Variants in TTLL10 observed in about 807,000 individuals in gnomAD.
The protein encoded by TTLL10 is tubulin tyrosine ligase like 10, also known as inactive polyglycylase TTLL10.
A neutral mutation model predicts 69.0 loss-of-function variants in TTLL10; 61 were observed. The ratio of observed to expected loss-of-function variants is 0.88; its 90% confidence interval spans 0.72 to 1.09. The LOEUF (loss-of-function observed/expected upper bound fraction) is 1.09, where lower values mean the gene tolerates loss of function less well. Among genes scored for constraint, TTLL10 ranks in the 50% least tolerant of loss-of-function variants. The pLI is 0.00. For missense variants in TTLL10, 962 were observed against 945.9 expected (o/e 1.02, Z -0.22); for synonymous variants, 408 against 393.3 (o/e 1.04, Z -0.44).
chr1:1,184,357 G>A (rs892023140), intron 12 of TTLL10, among the ~76,000 whole-genome samples: 11 of 152,258 alleles, frequency 7.2e-5, no homozygotes, highest in East Asian at 1.9e-4. Context: ...AGCCCTCAGC[G>A]TGCAGCCTGG....
intron 13 of TTLL10, among the ~76,000 whole-genome samples, chr1:1,191,401 G>A (rs781417474): frequency 6.6e-6 from 1 of 152,102 alleles, no homozygotes; most frequent in East Asian, 1.9e-4. Context: ...AGTCCAGCCT[G>A]GGCAACACAG....
chr1:1,176,637 G>A (rs1181944406), intron 3 of TTLL10, among the ~76,000 whole-genome samples: 1 of 152,192 alleles, frequency 6.6e-6, no homozygotes, highest in Non-Finnish European at 1.5e-5. Context: ...AAGGCTGGAG[G>A]GCTGCTAGTG....
At position 1,180,985 on chromosome 1, in the gene TTLL10, C is replaced by T. The variant is rs572331830; in HGVS notation, c.755+125C>T. On this transcript the variant is annotated intron_variant, in intron 8 of 15. Coordinates refer to ENST00000379289, the MANE Select transcript of TTLL10 (RefSeq NM_001130045.2). ...CCCTGCCCTTGCCCCTGCCCCTGGC[C>T]ACCCAGGCTCCCAGGCTGGCTCCAG... 4.6e-4 allele frequency: 396 copies of T among 868,116 alleles called. 1 individual carries two copies. In the African/African-American group the frequency reaches 7.9e-3, roughly 17 times the overall value. The allele number at this position is 868,116 out of a possible 1,614,324, so 53.8% of individuals were successfully genotyped here.
At chr1:1,177,044 CTG>C (rs1378279089) in intron 3 of TTLL10, among the ~76,000 whole-genome samples, 1 of 150,742 alleles carries the variant, frequency 6.6e-6, no homozygotes, top group Non-Finnish European at 1.5e-5. Flanking sequence ...GTGTCAGCGT[CTG>C]TGTGTGTGGG....
chr1:1,197,299 G>A (rs1648290252), intron 15 of TTLL10, 113 bp downstream of exon 15: 2 of 1,326,508 alleles, frequency 1.5e-6, no homozygotes, highest in Non-Finnish European at 1.0e-6. Flanking sequence ...ACCTCCCGAG[G>A]GCCTGTGTGG....
chr1:1,180,020 C>A lies in TTLL10; in HGVS notation c.200-14C>A, dbSNP rs1646995578. 2 of 1,514,934 alleles carry A rather than the reference C, an allele frequency of 1.3e-6. No individual in the cohort carries two copies. Among genetic ancestry groups the A allele is most frequent in the African/African-American group, 2.8e-5 (2 of 72,292 alleles). The allele number at this position is 1,514,934 out of a possible 1,614,324, so 93.8% of individuals were successfully genotyped here. On this transcript the variant is annotated splice_polypyrimidine_tract_variant and intron_variant, in intron 5 of 15. Transcript: ENST00000379289. ...TCCCGTAGCCACCCCGGTGGGACCCCACCCCGTTCACAGGCCCGGCCCACG... is the reference window on the plus strand; with the variant it reads ...TCCCGTAGCCACCCCGGTGGGACCCAACCCCGTTCACAGGCCCGGCCCACG...
intron 13 of TTLL10, among the ~76,000 whole-genome samples, chr1:1,188,405 A>ATT (rs57122719): frequency 0.12 from 17,421 of 140,320 alleles, 2,084 homozygotes; most frequent in East Asian, 0.56. Flanking sequence ...GTCCAATGAA[A>ATT]TTTTTTTTTT....
intron 13 of TTLL10, among the ~76,000 whole-genome samples, chr1:1,189,085 A>C (rs565285305): frequency 6.6e-6 from 1 of 152,186 alleles, no homozygotes; most frequent in African/African-American, 2.4e-5. Context: ...GGATCATGTC[A>C]TCTGGAATAG....
At position 1,180,221 on chromosome 1, in the gene TTLL10, C is replaced by T. The variant is rs139976815; in HGVS notation, c.387C>T (p.Asn129=). ...GGCCTGCAGACTCGGATGACACTAA[C>T]GCCGCCGGGCCCTCAGCTGCCCTCC... The part of the protein sequence containing the change: ...SHRPADSDDT[N]AAGPSAALLE... The change falls in exon 6 of 16, where the codon AAC becomes AAT. Residue 129 remains asparagine (N), a synonymous_variant. Coordinates refer to ENST00000379289, the MANE Select transcript of TTLL10 (RefSeq NM_001130045.2). 3,546 of 1,609,540 alleles carry T rather than the reference C, an allele frequency of 2.2e-3. 9 individuals are homozygous for T. Among genetic ancestry groups the T allele is most frequent in the Admixed American group, 3.1e-3 (185 of 59,688 alleles).
intron 6 of TTLL10, 25 bp from the exon 7 acceptor site, chr1:1,180,458 T>TCCCCCCCCC: frequency 1.1e-6 from 1 of 942,122 alleles, no homozygotes; most frequent in Non-Finnish European, 1.5e-6. Flanking sequence ...GGCCCCCAGG[T>TCCCCCCCCC]CACCCCCGCC....
chr1:1,190,632 G>A (rs1570435869), intron 13 of TTLL10, among the ~76,000 whole-genome samples: 1 of 151,690 alleles, frequency 6.6e-6, no homozygotes, highest in Non-Finnish European at 1.5e-5. Context: ...GTTTCACCAT[G>A]CTGGCAAGGC....
Position 1,182,919 on chromosome 1 carries a change from C to A in TTLL10, c.960C>A (p.Gly320=). The change falls in exon 11 of 16, where the codon GGC becomes GGA. Residue 320 remains glycine (G), a synonymous_variant. Transcript: ENST00000379289. The part of the protein sequence containing the change: ...WICKPTASNQ[G]KGIFLLRNQE... Reference sequence around the variant, plus strand: ...GCAAGCCCACAGCCTCCAACCAGGGCAAAGGCATCTTCCTGCTCCGGAACC... The same window carrying A: ...GCAAGCCCACAGCCTCCAACCAGGGAAAAGGCATCTTCCTGCTCCGGAACC... 1 of 1,596,832 alleles carries A rather than the reference C, an allele frequency of 6.3e-7. No individual in the cohort carries two copies. Among genetic ancestry groups the A allele is most frequent in the Non-Finnish European group, 8.5e-7 (1 of 1,172,128 alleles).
In TTLL10 at chr1:1,181,422, G is replaced by A. The variant is rs1389602836; in HGVS notation, c.756-319G>A. The stretch of plus-strand genomic sequence containing the variant: ...CAGCCCTGCCCACTGCCCTTCTATG[G>A]ACCCACCTATCCCTCCTCACTTCAT... On this transcript the variant is annotated intron_variant, in intron 8 of 15. Coordinates refer to ENST00000379289, the MANE Select transcript of TTLL10 (RefSeq NM_001130045.2). The surrounding 1 kb of genome is among the most constrained non-coding windows in gnomAD (Gnocchi z 4.6). Among the ~76,000 whole-genome samples the A allele has an allele frequency of 6.6e-6, 1 of 151,826 alleles. No homozygotes were observed. Among genetic ancestry groups the A allele is most frequent in the Non-Finnish European group, 1.5e-5 (1 of 67,974 alleles).
chr1:1,182,864 C>G lies in TTLL10; in HGVS notation c.917-12C>G, dbSNP rs760072128. 3 of 1,555,426 alleles carry G rather than the reference C, an allele frequency of 1.9e-6. No individual in the cohort carries two copies. The highest frequency in any genetic ancestry group is 2.6e-6 in the Non-Finnish European group (3 of 1,147,878). On this transcript the variant is annotated splice_polypyrimidine_tract_variant and intron_variant, in intron 10 of 15. Transcript: ENST00000379289. ...GGGGCGAGGCCAGGGGCTCAGGCCG[C>G]GCTCTCTGCAGAAACCCAGATATGG... is the stretch of plus-strand genomic sequence containing the variant.
At position 1,197,812 on chromosome 1, in the gene TTLL10, G is replaced by A. The variant is rs1347579375; in HGVS notation, c.1987G>A (p.Glu663Lys). The A allele has an allele frequency of 6.6e-7, 1 of 1,515,200 alleles. No homozygotes were observed. The highest frequency in any genetic ancestry group is 2.1e-4 in the Middle Eastern group (1 of 4,826). 93.9% of individuals were successfully genotyped at this position (1,515,200 alleles called of 1,614,324 possible). A position where few individuals can be genotyped will look rare whatever the true frequency, so the allele number is the denominator to read the frequency against. The stretch of plus-strand genomic sequence containing the variant: ...AGAGCCTTCCCCGGGGACAGCCAAG[G>A]AGGAACGCGAGGAGCCTGAGAACGC... The part of the protein sequence containing the change: ...AQEPSPGTAK[E>K]EREEPENARP The change falls in exon 16 of 16, where the codon GAG (glutamate) becomes AAG (lysine). Residue 663 changes from glutamate (E) to lysine (K), a missense_variant. Physicochemically the swap from Glu to Lys is moderately conservative, Grantham distance 56 (BLOSUM62 1). Coordinates refer to ENST00000379289, the MANE Select transcript of TTLL10 (RefSeq NM_001130045.2).
At chr1:1,187,128 G>A (rs1209871767) in intron 13 of TTLL10, among the ~76,000 whole-genome samples, 4 of 151,858 alleles carry the variant, frequency 2.6e-5, no homozygotes, top group Non-Finnish European at 5.9e-5. Flanking sequence ...TTATAGGTGT[G>A]AGCCACCGCG....
Position 1,185,992 on chromosome 1 carries a change from C to T in TTLL10, c.1401+883C>T, listed in dbSNP as rs1647287599. On this transcript the variant is annotated intron_variant, in intron 13 of 15. Coordinates refer to ENST00000379289, the MANE Select transcript of TTLL10 (RefSeq NM_001130045.2). This position sits in a 1 kb window ranked among gnomAD's most constrained non-coding sequence, Gnocchi z 6.1. Reference sequence around the variant, plus strand: ...ATCACAGCTACATTGCCGGCCATTCCTGGTCACCGCTGATGGACCTTCTCT... The same window carrying T: ...ATCACAGCTACATTGCCGGCCATTCTTGGTCACCGCTGATGGACCTTCTCT... 1 of 244,744 alleles carries T rather than the reference C, an allele frequency of 4.1e-6. No individual in the cohort carries two copies. Among genetic ancestry groups the T allele is most frequent in the Non-Finnish European group, 6.5e-6 (1 of 153,034 alleles). 15.2% of individuals were successfully genotyped at this position (244,744 alleles called of 1,614,324 possible). A position where few individuals can be genotyped will look rare whatever the true frequency, so the allele number is the denominator to read the frequency against.
Position 1,185,346 on chromosome 1 carries a change from G to A in TTLL10, c.1401+237G>A, listed in dbSNP as rs1028146809. The A allele has an allele frequency of 4.6e-5, 63 of 1,366,226 alleles. No homozygotes were observed. The highest frequency in any genetic ancestry group is 2.1e-4 in the African/African-American group (14 of 67,264). 84.6% of individuals were successfully genotyped at this position (1,366,226 alleles called of 1,614,324 possible). ...AGCCCAGTCGGGGGTCTGTCGGCAC[G>A]AGTCCCGCGGGCAGCCTCGCCGTAG... is the stretch of plus-strand genomic sequence containing the variant. On this transcript the variant is annotated intron_variant, in intron 13 of 15. Transcript: ENST00000379289. The surrounding 1 kb of genome is among the most constrained non-coding windows in gnomAD (Gnocchi z 6.1).
At chr1:1,182,054 A>G (rs907153133) in intron 9 of TTLL10, among the ~76,000 whole-genome samples, 1 of 152,156 alleles carries the variant, frequency 6.6e-6, no homozygotes, top group Admixed American at 6.5e-5. Context: ...GGACACTGCC[A>G]TGAGGTGGTG....
Sources: gnomAD v4.1 joint callset for allele counts (sites outside exome capture counted in the v4.1 genomes callset) on GRCh38, gnomAD v4.1.1 for gene constraint, Gnocchi (gnomAD v3.1) non-coding constraint, MANE v1.5 for transcripts, NCBI Gene and HGNC (gene_info 2026-07-23, HGNC 2026-07-21) for gene names.